Variants in ADAMTS14 observed in about 807,000 individuals in gnomAD.
ADAMTS14 encodes the protein ADAM metallopeptidase with thrombospondin type 1 motif 14.
In ADAMTS14, 100 loss-of-function variants were observed where a neutral mutation model predicts 128.6. That is an observed-to-expected ratio of 0.78 (90% CI 0.66 to 0.92). The LOEUF (loss-of-function observed/expected upper bound fraction) is 0.92, where lower values mean the gene tolerates loss of function less well. Ranked by LOEUF, ADAMTS14 falls within the 40% of genes least tolerant of loss-of-function variation. The probability of loss-of-function intolerance (pLI) is 0.00; values close to 1 mark genes in which losing one functional copy is unlikely to be tolerated. For missense variants in ADAMTS14, 1,562 were observed against 1,658.6 expected, an observed-to-expected ratio of 0.94 and a Z score of 1.01; for synonymous variants, 665 against 653.8, an observed-to-expected ratio of 1.02 and a Z score of -0.26.
At chr10:70,737,185 C>T (rs1246300499) in intron 10 of ADAMTS14, among the ~76,000 whole-genome samples, 1 of 152,156 alleles carries the variant, frequency 6.6e-6, no homozygotes, top group African/African-American at 2.4e-5. Flanking sequence ...TCTGTGTGTC[C>T]TGCCTACTCC....
chr10:70,733,962 T>C lies in ADAMTS14; in HGVS notation c.1286T>C (p.Val429Ala), dbSNP rs1018959865. 6.2e-7 allele frequency: 1 copy of C among 1,613,808 alleles called. No homozygotes were observed. The highest frequency in any genetic ancestry group is 2.2e-5 in the East Asian group (1 of 44,864). The change falls in exon 8 of 22, where the codon GTG becomes GCG. Residue 429 changes from valine to alanine, a missense_variant. Coordinates refer to ENST00000373207, the MANE Select transcript of ADAMTS14 (RefSeq NM_080722.4). ...CTGGGCAGCGTCATGGCGCCCCTGG[T>C]GCAGGCTGCCTTCCACCGCTTCCAT... is the stretch of plus-strand genomic sequence containing the variant. ...TSLGSVMAPL[V>A]QAAFHRFHWS...
intron 15 of ADAMTS14, among the ~76,000 whole-genome samples, chr10:70,748,943 T>G (rs1589335641): frequency 6.6e-6 from 1 of 152,222 alleles, no homozygotes; most frequent in Non-Finnish European, 1.5e-5. Flanking sequence ...GGTGTTGGCA[T>G]CTACATGTCT....
At chr10:70,745,727 G>A (rs1842158685) in intron 15 of ADAMTS14, among the ~76,000 whole-genome samples, 1 of 152,114 alleles carries the variant, frequency 6.6e-6, no homozygotes, top group Non-Finnish European at 1.5e-5. Flanking sequence ...CGGTCCTATG[G>A]GTCATCAGTT....
At chr10:70,760,114 CTG>C (rs1842570624) in intron 21 of ADAMTS14, among the ~76,000 whole-genome samples, 1 of 152,166 alleles carries the variant, frequency 6.6e-6, no homozygotes, top group Admixed American at 6.5e-5. Flanking sequence ...GCTGCTGCTG[CTG>C]CGTGTGGGGA....
chr10:70,709,882 A>G (rs972005299), intron 4 of ADAMTS14, among the ~76,000 whole-genome samples: 1 of 152,242 alleles, frequency 6.6e-6, no homozygotes. Flanking sequence ...GGTGGCCCCA[A>G]GTGAGCATCC....
In ADAMTS14 at chr10:70,752,184, C is replaced by T; in HGVS notation, c.2686C>T (p.Pro896Ser). ...GTGTGACCACAAGAAGAGGCCCAAG[C>T]CCATCCGCCGGCGCTGCAACCAGCA... ...HLCDHKKRPK[P>S]IRRRCNQHPC... Residue 896 changes from proline to serine, a missense_variant, in exon 18 of 22, where the codon CCC becomes TCC. Transcript: ENST00000373207. 6.2e-7 allele frequency: 1 copy of T among 1,613,772 alleles called. No homozygotes were observed. Among genetic ancestry groups the T allele is most frequent in the South Asian group, 1.1e-5 (1 of 91,088 alleles).
intron 4 of ADAMTS14, among the ~76,000 whole-genome samples, chr10:70,710,160 C>G (rs1376951877): frequency 6.6e-6 from 1 of 152,240 alleles, no homozygotes; most frequent in Non-Finnish European, 1.5e-5. Context: ...ACTGTGCAGT[C>G]CAGGCCTGGG....
At chr10:70,682,670 G>A (rs1839845595) in intron 2 of ADAMTS14, among the ~76,000 whole-genome samples, 1 of 152,182 alleles carries the variant, frequency 6.6e-6, no homozygotes, top group Admixed American at 6.5e-5. Flanking sequence ...GGTTGGTTGA[G>A]TCTACCAGGT....
chr10:70,739,417 T>C (rs1019171449), intron 11 of ADAMTS14, among the ~76,000 whole-genome samples: 17 of 152,104 alleles, frequency 1.1e-4, no homozygotes, highest in Admixed American at 5.2e-4. Flanking sequence ...CTTAACTCTT[T>C]CTAACATCAA....
chr10:70,750,872 A>G (rs1260767139), intron 16 of ADAMTS14, among the ~76,000 whole-genome samples: 1 of 152,240 alleles, frequency 6.6e-6, no homozygotes, highest in Non-Finnish European at 1.5e-5. Flanking sequence ...AGACCTAGAT[A>G]TAAGAGCTTA....
intron 2 of ADAMTS14, among the ~76,000 whole-genome samples, chr10:70,697,527 C>T (rs1840364502): frequency 6.6e-6 from 1 of 152,246 alleles, no homozygotes; most frequent in Non-Finnish European, 1.5e-5. Context: ...CATGCACATA[C>T]ATGCAATTTG....
Position 70,743,609 on chromosome 10 carries a change from C to T in ADAMTS14, c.1986C>T (p.Asn662=), listed in dbSNP as rs748720793. 2.5e-6 allele frequency: 4 copies of T among 1,612,852 alleles called. No homozygotes were observed. Among genetic ancestry groups the T allele is most frequent in the Non-Finnish European group, 2.5e-6 (3 of 1,179,712 alleles). Residue 662 remains asparagine, a synonymous_variant, in exon 13 of 22, where the codon AAC becomes AAT. Transcript: ENST00000373207. ...ACACGGGGGACGTGGTGTTCATGAA[C>T]CAGGTGGTTCACGATGGGACACGCT... is the stretch of plus-strand genomic sequence containing the variant. ...SADTGDVVFM[N]QVVHDGTRCS...
At chr10:70,704,279 T>C (rs1840582611) in intron 3 of ADAMTS14, among the ~76,000 whole-genome samples, 1 of 152,002 alleles carries the variant, frequency 6.6e-6, no homozygotes, top group Non-Finnish European at 1.5e-5. Context: ...GGACAATTCC[T>C]CTCGGCACTC....
At chr10:70,743,751 G>T (rs1439804062) in intron 13 of ADAMTS14, 70 bp downstream of exon 13, 4 of 1,469,386 alleles carry the variant, frequency 2.7e-6, no homozygotes, top group Middle Eastern at 2.0e-4. Context: ...AGCCCCTCCT[G>T]CCTGGGAAGA....
chr10:70,708,826 G>GGGGCCCC, intron 4 of ADAMTS14, 48 bp downstream of exon 4: 17 of 396,612 alleles, frequency 4.3e-5, no homozygotes, highest in East Asian at 1.4e-4. Context: ...GGTGGGGTGG[G>GGGGCCCC]CCCCACCCCA....
chr10:70,672,905 C>T, intron 1 of ADAMTS14, 21 bp downstream of exon 1: 2 of 1,448,518 alleles, frequency 1.4e-6, no homozygotes, highest in Admixed American at 2.7e-5. Context: ...GTTGGGCGCG[C>T]GGGGGCCCGT....
intron 4 of ADAMTS14, among the ~76,000 whole-genome samples, chr10:70,728,039 T>C (rs1443954592): frequency 2.0e-5 from 3 of 148,464 alleles, no homozygotes; most frequent in African/African-American, 7.6e-5. Flanking sequence ...GAGTTTGCAG[T>C]GAGCCGAGAT....
chr10:70,688,656 A>T (rs1840069185), intron 2 of ADAMTS14, among the ~76,000 whole-genome samples: 2 of 112,732 alleles, frequency 1.8e-5, no homozygotes, highest in Non-Finnish European at 4.0e-5. Context: ...ACTCGCGGTT[A>T]GGGGCTGGAG....
chr10:70,682,598 G>C (rs1839843995), intron 2 of ADAMTS14, among the ~76,000 whole-genome samples: 1 of 152,206 alleles, frequency 6.6e-6, no homozygotes, highest in Non-Finnish European at 1.5e-5. Flanking sequence ...TGTCATGTGT[G>C]TAAAGGGTTT....
Sources: allele counts gnomAD v4.1 joint callset (sites outside exome capture counted in the v4.1 genomes callset), GRCh38; gene constraint gnomAD v4.1.1; transcripts MANE v1.5; gene names NCBI Gene and HGNC (gene_info 2026-07-23, HGNC 2026-07-21).